Variants in LAMA2 observed in about 807,000 individuals in gnomAD.
The protein encoded by LAMA2 is laminin subunit alpha 2, also known as laminin subunit alpha-2.
LAMA2 carries 269 observed loss-of-function variants against 364.8 expected under a neutral mutation model. That is an observed-to-expected ratio of 0.74 (90% CI 0.67 to 0.82). The LOEUF is 0.82. LAMA2 is among the 40% of genes least tolerant of loss of function. The pLI, the probability that LAMA2 is intolerant of heterozygous loss-of-function variation, is 0.00. For synonymous variants in LAMA2, 1,379 were observed against 1,370.6 expected, an observed-to-expected ratio of 1.01 and a Z score of -0.14; for missense variants, 3,807 against 3,873.2, an observed-to-expected ratio of 0.98 and a Z score of 0.45.
chr6:129,307,959 T>G (rs1297755645), intron 22 of LAMA2, among the ~76,000 whole-genome samples: 1 of 152,208 alleles, frequency 6.6e-6, no homozygotes, highest in Non-Finnish European at 1.5e-5. Flanking sequence ...AAACTTTTTT[T>G]CCTGCTGAGT....
intron 24 of LAMA2, among the ~76,000 whole-genome samples, chr6:129,315,272 A>T: frequency 6.6e-6 from 1 of 152,236 alleles, no homozygotes; most frequent in Middle Eastern, 3.2e-3. Flanking sequence ...CAGTGTCCAC[A>T]GATATTGTGG....
chr6:129,051,926 G>T (rs571647835), intron 2 of LAMA2, among the ~76,000 whole-genome samples: 1 of 151,596 alleles, frequency 6.6e-6, no homozygotes, highest in African/African-American at 2.4e-5. Context: ...GTGTGTTTAG[G>T]ATGGGCTGTG....
intron 10 of LAMA2, among the ~76,000 whole-genome samples, chr6:129,179,072 A>C (rs1372292078): frequency 6.6e-6 from 1 of 152,072 alleles, no homozygotes; most frequent in Non-Finnish European, 1.5e-5. Flanking sequence ...ATATTATCTG[A>C]AATGAAAAAT....
At chr6:128,969,949 A>G (rs966372964) in intron 1 of LAMA2, among the ~76,000 whole-genome samples, 1 of 152,224 alleles carries the variant, frequency 6.6e-6, no homozygotes, top group African/African-American at 2.4e-5. Context: ...AAAAGGGATA[A>G]CAACAAAAAT....
At chr6:129,303,056 G>T (rs2451683) in intron 22 of LAMA2, among the ~76,000 whole-genome samples, 93,565 of 151,910 alleles carry the variant, frequency 0.62, 29,337 homozygotes, top group East Asian at 0.84. Flanking sequence ...AGAATTGACA[G>T]CTTAAAAGTA....
intron 1 of LAMA2, among the ~76,000 whole-genome samples, chr6:128,976,070 A>G (rs984367683): frequency 2.6e-5 from 4 of 152,244 alleles, no homozygotes; most frequent in Non-Finnish European, 5.9e-5. Flanking sequence ...ATGTGAAGTA[A>G]TTAAAGGGAT....
intron 36 of LAMA2, among the ~76,000 whole-genome samples, chr6:129,392,782 A>G (rs1216367469): frequency 6.6e-6 from 1 of 152,236 alleles, no homozygotes; most frequent in Non-Finnish European, 1.5e-5. Flanking sequence ...AGATTCCTAG[A>G]ATGACATGAT....
At chr6:129,433,452 A>G (rs945034536) in intron 41 of LAMA2, among the ~76,000 whole-genome samples, 1 of 152,168 alleles carries the variant, frequency 6.6e-6, no homozygotes, top group Admixed American at 6.6e-5. Flanking sequence ...CAAGAAGCCA[A>G]AATCTGAACA....
At chr6:129,441,166 G>C (rs959287627) in intron 43 of LAMA2, among the ~76,000 whole-genome samples, 168 bp downstream of exon 43, 14 of 152,128 alleles carry the variant, frequency 9.2e-5, no homozygotes, top group Admixed American at 2.6e-4. Flanking sequence ...TCCAAAGCTG[G>C]AATCCAAGTC....
intron 51 of LAMA2, 59 bp from the exon 52 acceptor site, chr6:129,473,155 G>GAT: frequency 7.5e-7 from 1 of 1,332,270 alleles, no homozygotes. Flanking sequence ...TATTAATGAT[G>GAT]ATATAGATGT....
rs1249586315 is a variant in LAMA2, at chr6:129,492,604, C to A, written c.8244+121C>A. On this transcript the variant is annotated intron_variant, in intron 58 of 64. Coordinates refer to ENST00000421865, the MANE Select transcript of LAMA2 (RefSeq NM_000426.4). ...GATATTAGAATTGAAAGAAATATAA[C>A]CTATCTAAACCTATTCTTACATCTT... 59 of 848,276 alleles carry A rather than the reference C, an allele frequency of 7.0e-5. No homozygotes were observed. In the East Asian group the frequency reaches 1.5e-3, roughly 21 times the overall value. 52.5% of individuals were successfully genotyped at this position (848,276 alleles called of 1,614,324 possible). A position where few individuals can be genotyped will look rare whatever the true frequency, so the allele number is the denominator to read the frequency against.
At chr6:129,337,537 T>C (rs1469899011) in intron 29 of LAMA2, among the ~76,000 whole-genome samples, 1 of 152,110 alleles carries the variant, frequency 6.6e-6, no homozygotes, top group Non-Finnish European at 1.5e-5. Flanking sequence ...ACTTCACAGC[T>C]TATGCAAGAC....
chr6:129,098,453 A>G, intron 4 of LAMA2, 38 bp downstream of exon 4: 1 of 1,610,924 alleles, frequency 6.2e-7, no homozygotes, highest in Non-Finnish European at 8.5e-7. Flanking sequence ...CACATTTGAT[A>G]CGGTGAAATA....
chr6:129,338,454 G>A (rs1776077053), intron 29 of LAMA2, among the ~76,000 whole-genome samples: 1 of 152,110 alleles, frequency 6.6e-6, no homozygotes, highest in South Asian at 2.1e-4. Flanking sequence ...GTTAAATATG[G>A]AATGGCTCTT....
intron 7 of LAMA2, among the ~76,000 whole-genome samples, chr6:129,149,775 C>T (rs1299810872): frequency 6.6e-6 from 1 of 152,094 alleles, no homozygotes; most frequent in African/African-American, 2.4e-5. Context: ...CTGTACTGAA[C>T]TTGTAAAGAC....
chr6:129,313,225 A>C, intron 23 of LAMA2, 128 bp downstream of exon 23: 16 of 623,322 alleles, frequency 2.6e-5, no homozygotes, highest in Non-Finnish European at 3.7e-5. Context: ...ACAAAATCTC[A>C]TTGCCAGACA....
chr6:129,123,813 T>C (rs943699264), intron 4 of LAMA2, among the ~76,000 whole-genome samples: 2 of 152,256 alleles, frequency 1.3e-5, no homozygotes, highest in African/African-American at 4.8e-5. Context: ...AGATCTACTG[T>C]ACCGCATAGT....
intron 40 of LAMA2, among the ~76,000 whole-genome samples, chr6:129,407,825 T>C (rs1170812585): frequency 1.3e-5 from 2 of 152,120 alleles, no homozygotes; most frequent in Non-Finnish European, 2.9e-5. Context: ...AGGATGGTAA[T>C]ATTAAGAGAT....
Position 129,112,499 on chromosome 6 carries a change from G to C in LAMA2, c.639+14084G>C, listed in dbSNP as rs761259848. On this transcript the variant is annotated intron_variant, in intron 4 of 64. Coordinates refer to ENST00000421865, the MANE Select transcript of LAMA2 (RefSeq NM_000426.4). ...TACAGTTTCAGTTCAACCACCAAAC[G>C]ATTTGATATCATGAATAAATTTCTT... 3.3e-5 allele frequency among the ~76,000 whole-genome samples: 5 copies of C among 152,006 alleles called. No individual in the cohort carries two copies. In the East Asian group the frequency reaches 9.6e-4, roughly 29 times the overall value.
Sources: allele counts gnomAD v4.1 joint callset (sites outside exome capture counted in the v4.1 genomes callset), GRCh38; gene constraint gnomAD v4.1.1; transcripts MANE v1.5; gene names NCBI Gene and HGNC (gene_info 2026-07-23, HGNC 2026-07-21).